Variants in EVA1C observed in about 807,000 individuals in gnomAD.
The protein encoded by EVA1C is eva-1 homolog C, also known as protein eva-1 homolog C.
In EVA1C, 25 loss-of-function variants were observed where a neutral mutation model predicts 45.4. That is an observed-to-expected ratio of 0.55 (90% CI 0.40 to 0.77). The LOEUF is 0.77. Among genes scored for constraint, EVA1C ranks in the 30% least tolerant of loss-of-function variants. The pLI, the probability that EVA1C is intolerant of heterozygous loss-of-function variation, is 0.00. For synonymous variants in EVA1C, 190 were observed against 221.2 expected (o/e 0.86, Z 1.25); for missense variants, 479 against 554.8 (o/e 0.86, Z 1.37).
Position 32,474,074 on chromosome 21 carries a change from C to A in EVA1C, c.634+6226C>A. ...TCCTGAGTAGCTGGGACTACAGGTG[C>A]ATGCCACCATGCCTGGCATGGTGGA... On this transcript the variant is annotated intron_variant, in intron 4 of 7. Coordinates refer to ENST00000300255, the MANE Select transcript of EVA1C (RefSeq NM_058187.5). The surrounding 1 kb of genome is among the most constrained non-coding windows in gnomAD (Gnocchi z 4.4). The A allele has an allele frequency of 2.6e-6, 1 of 383,342 alleles. No individual in the cohort carries two copies. Among genetic ancestry groups the A allele is most frequent in the Non-Finnish European group, 3.6e-6 (1 of 279,824 alleles). 23.7% of individuals were successfully genotyped at this position (383,342 alleles called of 1,614,324 possible).
At chr21:32,424,842 T>C (rs1196709841) in intron 1 of EVA1C, among the ~76,000 whole-genome samples, 1 of 152,138 alleles carries the variant, frequency 6.6e-6, no homozygotes, top group African/African-American at 2.4e-5. Context: ...ATGATGATGA[T>C]GACGTGATGA....
Position 32,467,782 on chromosome 21 carries a change from A to T in EVA1C, c.568A>T (p.Thr190Ser), listed in dbSNP as rs1440053988. The T allele has an allele frequency of 1.9e-6, 3 of 1,612,968 alleles. No individual in the cohort carries two copies. The highest frequency in any genetic ancestry group is 1.6e-4 in the Middle Eastern group (1 of 6,076). ...ESKFLNIYSA[T>S]YGRRTQERDI... ...CAAGTTCCTCAACATCTACTCTGCG[A>T]CCTACGGCAGGAGGACCCAGGAAAG... The change falls in exon 4 of 8, where the codon ACC (threonine) becomes TCC (serine). Residue 190 changes from threonine (T) to serine (S), a missense_variant. Transcript: ENST00000300255.
At chr21:32,504,465 AT>A (rs1249437657) in intron 7 of EVA1C, among the ~76,000 whole-genome samples, 1 of 152,178 alleles carries the variant, frequency 6.6e-6, no homozygotes, top group African/African-American at 2.4e-5. Flanking sequence ...GTTGTCAAGG[AT>A]TCCCTTGTTA....
intron 2 of EVA1C, among the ~76,000 whole-genome samples, chr21:32,457,000 G>A (rs1601315689): frequency 1.3e-5 from 2 of 152,198 alleles, no homozygotes; most frequent in African/African-American, 2.4e-5. Context: ...ACTGCTCCCC[G>A]AGGGAGAAGT....
At chr21:32,481,760 T>C (rs1465422596) in intron 4 of EVA1C, among the ~76,000 whole-genome samples, 1 of 152,198 alleles carries the variant, frequency 6.6e-6, no homozygotes. Flanking sequence ...GCTTGAAACG[T>C]ACCTTAAAAT....
At position 32,509,035 on chromosome 21, in the gene EVA1C, G is replaced by C. The variant is rs187446749; in HGVS notation, c.949+5020G>C. ...CGGAATAGGAAAAGGAGCCACAAAA[G>C]TATAAAGTAGTCCAAGTGATTCTAG... On this transcript the variant is annotated intron_variant, in intron 7 of 7. Coordinates refer to ENST00000300255, the MANE Select transcript of EVA1C (RefSeq NM_058187.5). Among the ~76,000 whole-genome samples, 3 of 152,346 alleles carry C rather than the reference G, an allele frequency of 2.0e-5. No homozygotes were observed. The East Asian group carries it at 5.8e-4, about 29-fold the overall frequency.
At chr21:32,509,777 G>A (rs1358879624) in intron 7 of EVA1C, among the ~76,000 whole-genome samples, 2 of 151,636 alleles carry the variant, frequency 1.3e-5, no homozygotes, top group African/African-American at 4.8e-5. Context: ...GGCTAAGGCA[G>A]GGGGAGGTAT....
At position 32,447,082 on chromosome 21, in the gene EVA1C, G is replaced by A. The variant is rs1479717630; in HGVS notation, c.161-6230G>A. 4.6e-5 allele frequency among the ~76,000 whole-genome samples: 7 copies of A among 152,240 alleles called. No individual in the cohort carries two copies. The East Asian group carries it at 1.2e-3, about 25-fold the overall frequency. On this transcript the variant is annotated intron_variant, in intron 1 of 7. Transcript: ENST00000300255. ...GACAATATCCCCCTTCAAACTTGTC[G>A]GACCATAACCCATGGTAAGAAATCT... is the stretch of plus-strand genomic sequence containing the variant.
At chr21:32,502,012 CT>C (rs1036578687) in intron 6 of EVA1C, among the ~76,000 whole-genome samples, 1 of 132,332 alleles carries the variant, frequency 7.6e-6, no homozygotes, top group Middle Eastern at 3.5e-3. Context: ...TTCTTTCTTT[CT>C]TTCTTTCTTT....
At chr21:32,444,043 A>C (rs1416567402) in intron 1 of EVA1C, among the ~76,000 whole-genome samples, 1 of 142,742 alleles carries the variant, frequency 7.0e-6, no homozygotes, top group Non-Finnish European at 1.5e-5. Context: ...TCTGACACCA[A>C]TTGTGTGAAA....
At chr21:32,438,727 A>C (rs889142376) in intron 1 of EVA1C, among the ~76,000 whole-genome samples, 5 of 152,256 alleles carry the variant, frequency 3.3e-5, no homozygotes, top group Admixed American at 3.3e-4. Flanking sequence ...ATCTGCAGGT[A>C]ATGAGGATTG....
At chr21:32,485,445 G>A (rs1022368650) in intron 4 of EVA1C, among the ~76,000 whole-genome samples, 1 of 152,160 alleles carries the variant, frequency 6.6e-6, no homozygotes, top group Non-Finnish European at 1.5e-5. Context: ...TTACAGGCGT[G>A]AGCCACCGTG....
chr21:32,450,884 G>T (rs888629173), intron 1 of EVA1C, among the ~76,000 whole-genome samples: 3 of 152,156 alleles, frequency 2.0e-5, no homozygotes, highest in Non-Finnish European at 4.4e-5. Context: ...GCCAATGTCC[G>T]TTTTGCCACT....
At chr21:32,473,874 G>A (rs375447133) in intron 4 of EVA1C, 54 of 982,336 alleles carry the variant, frequency 5.5e-5, no homozygotes, top group Middle Eastern at 1.0e-3. Flanking sequence ...AGGGCCAGAT[G>A]AACAGGGCAT....
At chr21:32,427,574 G>A (rs369470804) in intron 1 of EVA1C, among the ~76,000 whole-genome samples, 156 of 152,262 alleles carry the variant, frequency 1.0e-3, no homozygotes, top group African/African-American at 3.7e-3. Context: ...TTAGCTGGGC[G>A]TGGTGGCACA....
At chr21:32,419,167 G>C (rs1398628446) in intron 1 of EVA1C, among the ~76,000 whole-genome samples, 2 of 152,058 alleles carry the variant, frequency 1.3e-5, no homozygotes, top group African/African-American at 4.8e-5. Context: ...GGGTGCATGG[G>C]AAGGTTTGTT....
chr21:32,502,008 CTTTCTTTCTT>C (rs2037555420), intron 6 of EVA1C, among the ~76,000 whole-genome samples: 2 of 118,690 alleles, frequency 1.7e-5, no homozygotes, highest in Non-Finnish European at 3.4e-5. Flanking sequence ...TTCTTTCTTT[CTTTCTTTCTT>C]TCTTTCTTTC....
intron 2 of EVA1C, among the ~76,000 whole-genome samples, chr21:32,456,751 C>T (rs1343412050): frequency 1.3e-5 from 2 of 152,120 alleles, no homozygotes; most frequent in African/African-American, 4.8e-5. Flanking sequence ...AGTTCAGGAC[C>T]TCTGTGTTTA....
chr21:32,424,364 G>A (rs144236391), intron 1 of EVA1C, among the ~76,000 whole-genome samples: 1 of 152,190 alleles, frequency 6.6e-6, no homozygotes, highest in African/African-American at 2.4e-5. Context: ...GATGACAGGT[G>A]GAAATGGGAA....
Sources: allele counts gnomAD v4.1 joint callset (sites outside exome capture counted in the v4.1 genomes callset), GRCh38; gene constraint gnomAD v4.1.1; non-coding constraint Gnocchi (gnomAD v3.1); transcripts MANE v1.5; gene names NCBI Gene and HGNC (gene_info 2026-07-23, HGNC 2026-07-21).